HS6ST3: variants seen among roughly 807,000 people sequenced by gnomAD.
HS6ST3 encodes heparan sulfate 6-O-sulfotransferase 3.
Under a neutral mutation model 36.7 loss-of-function variants are expected in HS6ST3, and 12 were observed. The ratio of observed to expected loss-of-function variants is 0.33; its 90% CI spans 0.21 to 0.53. HS6ST3 has a LOEUF of 0.53. HS6ST3 is among the 20% of genes least tolerant of loss of function. The pLI is 0.95. For missense variants in HS6ST3, 584 were observed against 640.9 expected (o/e 0.91, Z 0.96); for synonymous variants, 240 against 257.5 (o/e 0.93, Z 0.65).
intron 1 of HS6ST3, among the ~76,000 whole-genome samples, chr13:96,323,166 A>G (rs1384325783): frequency 2.0e-5 from 3 of 152,188 alleles, no homozygotes; most frequent in Non-Finnish European, 4.4e-5. Context: ...AATATATCGA[A>G]TTGCATATAT....
chr13:96,551,743 C>T (rs1203889689), intron 1 of HS6ST3, among the ~76,000 whole-genome samples: 1 of 152,110 alleles, frequency 6.6e-6, no homozygotes, highest in Non-Finnish European at 1.5e-5. Context: ...GCCTCAGAAC[C>T]ACAGCCATCC....
intron 1 of HS6ST3, among the ~76,000 whole-genome samples, chr13:96,633,759 G>A (rs2056539949): frequency 6.6e-6 from 1 of 152,178 alleles, no homozygotes; most frequent in Non-Finnish European, 1.5e-5. Flanking sequence ...GTAAGGTGAT[G>A]CAAGAAATGC....
chr13:96,813,733 A>G (rs1878366497), intron 1 of HS6ST3, among the ~76,000 whole-genome samples: 1 of 152,218 alleles, frequency 6.6e-6, no homozygotes, highest in Admixed American at 6.5e-5. Context: ...TCTAAAAATC[A>G]AAAAGCCAAT....
At chr13:96,617,211 TA>T (rs1183929159) in intron 1 of HS6ST3, among the ~76,000 whole-genome samples, 1 of 152,244 alleles carries the variant, frequency 6.6e-6, no homozygotes, top group African/African-American at 2.4e-5. Context: ...AAAATACATT[TA>T]AATACCTTGA....
chr13:96,564,129 G>A (rs2056272522), intron 1 of HS6ST3, among the ~76,000 whole-genome samples: 1 of 152,172 alleles, frequency 6.6e-6, no homozygotes, highest in South Asian at 2.1e-4. Flanking sequence ...AGTGGTGTCA[G>A]CTGCATTTTG....
At chr13:96,465,318 A>G (rs2055806755) in intron 1 of HS6ST3, among the ~76,000 whole-genome samples, 1 of 152,198 alleles carries the variant, frequency 6.6e-6, no homozygotes, top group African/African-American at 2.4e-5. Context: ...GCAACAGAAT[A>G]TGGAAACAAC....
chr13:96,703,469 A>T (rs1000632080), intron 1 of HS6ST3, among the ~76,000 whole-genome samples: 1 of 152,234 alleles, frequency 6.6e-6, no homozygotes, highest in Non-Finnish European at 1.5e-5. Flanking sequence ...AGAGGCACTT[A>T]GCCTGATTGG....
chr13:96,599,345 A>T (rs531348544), intron 1 of HS6ST3, among the ~76,000 whole-genome samples: 1 of 151,648 alleles, frequency 6.6e-6, no homozygotes, highest in African/African-American at 2.4e-5. Flanking sequence ...CAAAATTTCT[A>T]TTTCTTCCTG....
At chr13:96,487,158 A>G (rs934300876) in intron 1 of HS6ST3, among the ~76,000 whole-genome samples, 1 of 152,072 alleles carries the variant, frequency 6.6e-6, no homozygotes, top group African/African-American at 2.4e-5. Context: ...CAGAAGTATA[A>G]AAAGGAGATC....
intron 1 of HS6ST3, among the ~76,000 whole-genome samples, chr13:96,359,441 T>G (rs1402818719): frequency 6.6e-6 from 1 of 152,216 alleles, no homozygotes; most frequent in Non-Finnish European, 1.5e-5. Flanking sequence ...GATTAATCAG[T>G]ACACTTTTAG....
At chr13:96,641,186 T>A (rs1283296105) in intron 1 of HS6ST3, among the ~76,000 whole-genome samples, 1 of 151,854 alleles carries the variant, frequency 6.6e-6, no homozygotes, top group Non-Finnish European at 1.5e-5. Context: ...CATTTATGAT[T>A]TTATTTCATC....
At chr13:96,796,754 G>C (rs531759405) in intron 1 of HS6ST3, among the ~76,000 whole-genome samples, 71 of 152,178 alleles carry the variant, frequency 4.7e-4, no homozygotes, top group African/African-American at 1.7e-3. Context: ...TTATGTAACA[G>C]TTATTCAGGA....
At chr13:96,535,736 T>A (rs925262868) in intron 1 of HS6ST3, among the ~76,000 whole-genome samples, 21 of 152,150 alleles carry the variant, frequency 1.4e-4, no homozygotes, top group African/African-American at 5.1e-4. Context: ...GATGAGGGAA[T>A]ATGAGTAAGG....
intron 1 of HS6ST3, among the ~76,000 whole-genome samples, chr13:96,495,000 TCA>T (rs1265616328): frequency 6.6e-6 from 1 of 152,224 alleles, no homozygotes; most frequent in South Asian, 2.1e-4. Context: ...CTCTGCTTTC[TCA>T]GTTTTTCACC....
intron 1 of HS6ST3, among the ~76,000 whole-genome samples, chr13:96,370,352 C>A (rs1036732689): frequency 6.6e-6 from 1 of 152,052 alleles, no homozygotes; most frequent in African/African-American, 2.4e-5. Context: ...AAATTTTTGT[C>A]AGTTCATTTG....
At chr13:96,172,727 G>C (rs1271850205) in intron 1 of HS6ST3, among the ~76,000 whole-genome samples, 3 of 152,168 alleles carry the variant, frequency 2.0e-5, no homozygotes, top group African/African-American at 7.2e-5. Flanking sequence ...TATAGTTAGG[G>C]ATGAAAAGGA....
chr13:96,097,414 C>G (rs1189067601), intron 1 of HS6ST3, among the ~76,000 whole-genome samples: 1 of 152,044 alleles, frequency 6.6e-6, no homozygotes, highest in Non-Finnish European at 1.5e-5. Context: ...CCGGCAAATC[C>G]TAATGTGATT....
chr13:96,701,386 C>T (rs978668276), intron 1 of HS6ST3, among the ~76,000 whole-genome samples: 2 of 152,172 alleles, frequency 1.3e-5, no homozygotes, highest in Middle Eastern at 3.4e-3. Context: ...ATAGACAAAT[C>T]CTAATTATGG....
At chr13:96,486,675 T>C (rs548428633) in intron 1 of HS6ST3, among the ~76,000 whole-genome samples, 6 of 152,344 alleles carry the variant, frequency 3.9e-5, no homozygotes, top group Non-Finnish European at 7.3e-5. Flanking sequence ...TTTTGAGAAG[T>C]GTCTGTTCAT....
Sources: gnomAD v4.1 joint callset for allele counts (sites outside exome capture counted in the v4.1 genomes callset) on GRCh38, gnomAD v4.1.1 for gene constraint, MANE v1.5 for transcripts, NCBI Gene and HGNC (gene_info 2026-07-23, HGNC 2026-07-21) for gene names.